GRIP1: variants seen among roughly 807,000 people sequenced by gnomAD.
The protein encoded by GRIP1 is glutamate receptor-interacting protein 1.
A neutral mutation model predicts 129.9 loss-of-function variants in GRIP1; 45 were observed. The ratio of observed to expected loss-of-function variants is 0.35; its 90% CI spans 0.27 to 0.44. GRIP1 has a LOEUF of 0.44. Ranked by LOEUF, GRIP1 falls within the 20% of genes least tolerant of loss-of-function variation. GRIP1 has a pLI of 1.00. For missense variants in GRIP1, 1,196 were observed against 1,396.8 expected (o/e 0.86, Z 2.29); for synonymous variants, 530 against 520.8 (o/e 1.02, Z -0.24).
chr12:66,477,467 A>G (rs1209084583), intron 7 of GRIP1, among the ~76,000 whole-genome samples: 1 of 152,056 alleles, frequency 6.6e-6, no homozygotes, highest in East Asian at 1.9e-4. Context: ...GGTAATTTAT[A>G]GATTCAATGC....
chr12:66,961,051 C>T (rs1324468490), intron 1 of GRIP1, among the ~76,000 whole-genome samples: 2 of 152,058 alleles, frequency 1.3e-5, no homozygotes, highest in Non-Finnish European at 2.9e-5. Flanking sequence ...ATAAGATATA[C>T]CTATTTTGTG....
intron 1 of GRIP1, among the ~76,000 whole-genome samples, chr12:66,660,986 T>C (rs1260724866): frequency 6.6e-6 from 1 of 152,112 alleles, no homozygotes; most frequent in Non-Finnish European, 1.5e-5. Flanking sequence ...ATATAAATAG[T>C]TATACTCTGA....
At chr12:66,792,507 A>G (rs1014623922) in intron 1 of GRIP1, among the ~76,000 whole-genome samples, 3 of 152,128 alleles carry the variant, frequency 2.0e-5, no homozygotes, top group Non-Finnish European at 4.4e-5. Context: ...GAGTTCAAGA[A>G]CAGCCTGGGC....
chr12:66,750,695 T>G (rs548082794), intron 1 of GRIP1, among the ~76,000 whole-genome samples: 1 of 152,270 alleles, frequency 6.6e-6, no homozygotes, highest in East Asian at 1.9e-4. Context: ...AATAACAACT[T>G]TGAATAAATC....
intron 1 of GRIP1, among the ~76,000 whole-genome samples, chr12:67,034,329 A>G (rs551404715): frequency 5.9e-5 from 9 of 152,324 alleles, no homozygotes; most frequent in African/African-American, 1.4e-4. Flanking sequence ...CATAGTTTGC[A>G]TGGCTTAACG....
intron 1 of GRIP1, among the ~76,000 whole-genome samples, chr12:66,799,019 C>G (rs2038782278): frequency 6.6e-6 from 1 of 152,014 alleles, no homozygotes; most frequent in South Asian, 2.1e-4. Context: ...AGGACCAGAC[C>G]CAATAAGGGA....
rs537491974 is a variant in GRIP1 at position 66,348,162 on chromosome 12, G to A, written c.*857C>T. On this transcript the variant is annotated 3_prime_UTR_variant, in exon 25 of 25. Transcript: ENST00000359742. Reference sequence around the variant, plus strand: ...TCAATATTACCAGTTTTCAAAACATGTCAAGCAGTATGAGTTTGGTTTGCC... The same window carrying A: ...TCAATATTACCAGTTTTCAAAACATATCAAGCAGTATGAGTTTGGTTTGCC... 84 of 152,256 alleles carry A rather than the reference G, an allele frequency of 5.5e-4. 1 individual carries two copies. Among genetic ancestry groups the A allele is most frequent in the African/African-American group, 1.9e-3 (79 of 41,554 alleles). 9.4% of individuals were successfully genotyped at this position (152,256 alleles called of 1,614,324 possible).
At chr12:66,822,621 A>G (rs1462968103) in intron 1 of GRIP1, among the ~76,000 whole-genome samples, 1 of 152,212 alleles carries the variant, frequency 6.6e-6, no homozygotes, top group East Asian at 1.9e-4. Flanking sequence ...TTAACAATGG[A>G]CTGGATAAAG....
chr12:66,779,312 A>G (rs1022219500), intron 1 of GRIP1, among the ~76,000 whole-genome samples: 5 of 152,190 alleles, frequency 3.3e-5, no homozygotes, highest in African/African-American at 7.2e-5. Flanking sequence ...GTAGTGTAGC[A>G]TTTATTTTAG....
At chr12:66,541,760 T>A in intron 3 of GRIP1, 55 bp downstream of exon 3, 6 of 1,572,722 alleles carry the variant, frequency 3.8e-6, no homozygotes, top group Non-Finnish European at 5.3e-6. Context: ...GCTTTAATTT[T>A]TGAATTAATT....
chr12:66,396,179 T>C (rs956826800), intron 16 of GRIP1, among the ~76,000 whole-genome samples: 1 of 152,206 alleles, frequency 6.6e-6, no homozygotes, highest in Non-Finnish European at 1.5e-5. Flanking sequence ...GTGTATGCCA[T>C]AGGAAAGACC....
chr12:66,578,900 G>A (rs2063251135), intron 2 of GRIP1, among the ~76,000 whole-genome samples: 1 of 152,192 alleles, frequency 6.6e-6, no homozygotes, highest in Non-Finnish European at 1.5e-5. Flanking sequence ...GCTTTGAAGA[G>A]AGCAGTGGTT....
At chr12:66,455,335 T>G in intron 11 of GRIP1, 74 bp downstream of exon 11, 2 of 1,317,596 alleles carry the variant, frequency 1.5e-6, no homozygotes, top group Non-Finnish European at 2.2e-6. Context: ...CTTCCCACAA[T>G]TTCGGTATTT....
At chr12:66,969,566 G>T (rs2042043219) in intron 1 of GRIP1, among the ~76,000 whole-genome samples, 1 of 151,982 alleles carries the variant, frequency 6.6e-6, no homozygotes, top group Non-Finnish European at 1.5e-5. Context: ...ACGGGCATAT[G>T]CCACCACGCC....
intron 1 of GRIP1, among the ~76,000 whole-genome samples, chr12:66,644,853 T>C (rs1005822186): frequency 6.6e-6 from 1 of 152,218 alleles, no homozygotes; most frequent in African/African-American, 2.4e-5. Context: ...TTCATAATAG[T>C]CTAAAATCAG....
intron 1 of GRIP1, among the ~76,000 whole-genome samples, chr12:66,890,255 A>C (rs901409862): frequency 3.9e-5 from 6 of 152,268 alleles, no homozygotes; most frequent in African/African-American, 1.4e-4. Context: ...AATGCTCGTG[A>C]ACATAGCCAT....
intron 23 of GRIP1, among the ~76,000 whole-genome samples, chr12:66,370,425 C>T (rs2055420273): frequency 6.6e-6 from 1 of 152,160 alleles, no homozygotes; most frequent in African/African-American, 2.4e-5. Flanking sequence ...AACCCAACTT[C>T]CCATACTATC....
At chr12:66,818,459 A>G (rs1231847590) in intron 1 of GRIP1, among the ~76,000 whole-genome samples, 1 of 152,192 alleles carries the variant, frequency 6.6e-6, no homozygotes, top group Non-Finnish European at 1.5e-5. Flanking sequence ...ATGTCTGCCA[A>G]ATACCCAAGT....
chr12:66,401,598 G>GTGTGTATATATATATA (rs71096098), intron 16 of GRIP1, among the ~76,000 whole-genome samples: 7 of 66,272 alleles, frequency 1.1e-4, no homozygotes, highest in East Asian at 5.6e-4. Context: ...AAATATGTGT[G>GTGTGTATATATATATA]TATATATATA....
Sources: gnomAD v4.1 joint callset for allele counts (sites outside exome capture counted in the v4.1 genomes callset) on GRCh38, gnomAD v4.1.1 for gene constraint, MANE v1.5 for transcripts, NCBI Gene and HGNC (gene_info 2026-07-23, HGNC 2026-07-21) for gene names.